Variants in SLC10A7 observed in about 807,000 individuals in gnomAD.
SLC10A7 encodes the protein solute carrier family 10 member 7.
Under a neutral mutation model 43.2 loss-of-function variants are expected in SLC10A7, and 29 were observed. That is an observed-to-expected ratio of 0.67 (90% CI 0.50 to 0.92). SLC10A7 has a LOEUF of 0.92. Ranked by LOEUF, SLC10A7 falls within the 40% of genes least tolerant of loss-of-function variation. The probability of loss-of-function intolerance (pLI) is 0.00; values close to 1 mark genes in which losing one functional copy is unlikely to be tolerated. For missense variants in SLC10A7, 295 were observed against 403.2 expected, an observed-to-expected ratio of 0.73 and a Z score of 2.30; for synonymous variants, 152 against 144.8, an observed-to-expected ratio of 1.05 and a Z score of -0.35.
chr4:146,478,332 C>G (rs2149980198), intron 4 of SLC10A7: 1 of 152,292 alleles, frequency 6.6e-6, no homozygotes, highest in Admixed American at 6.5e-5. Flanking sequence ...ACAGTATTAG[C>G]AGATTTCTTT....
intron 10 of SLC10A7, among the ~76,000 whole-genome samples, chr4:146,269,401 G>C (rs1728761629): frequency 6.6e-6 from 1 of 152,214 alleles, no homozygotes; most frequent in Non-Finnish European, 1.5e-5. Context: ...GGTCTTCCAG[G>C]AGGGGTCACC....
chr4:146,358,319 G>A (rs888129577), intron 5 of SLC10A7, among the ~76,000 whole-genome samples: 3 of 152,090 alleles, frequency 2.0e-5, no homozygotes, highest in Non-Finnish European at 4.4e-5. Context: ...TGATGTGGGA[G>A]GGAAAGAAAG....
chr4:146,281,088 C>G (rs537999215), intron 10 of SLC10A7, among the ~76,000 whole-genome samples: 1 of 152,232 alleles, frequency 6.6e-6, no homozygotes, highest in African/African-American at 2.4e-5. Flanking sequence ...TAACCCAACC[C>G]TTTTTAGCAA....
chr4:146,344,260 C>A (rs1358900733), intron 5 of SLC10A7, among the ~76,000 whole-genome samples: 1 of 151,998 alleles, frequency 6.6e-6, no homozygotes, highest in Non-Finnish European at 1.5e-5. Context: ...GTAACCAATG[C>A]AAAAATATCA....
chr4:146,350,157 G>T (rs1187124662), intron 5 of SLC10A7, among the ~76,000 whole-genome samples: 5 of 147,020 alleles, frequency 3.4e-5, no homozygotes, highest in African/African-American at 1.3e-4. Context: ...GACAGTGGGC[G>T]CAGGCCAGTG....
intron 4 of SLC10A7, among the ~76,000 whole-genome samples, chr4:146,483,454 A>C (rs1026621446): frequency 7.3e-5 from 10 of 137,076 alleles, no homozygotes; most frequent in Admixed American, 7.4e-5. Context: ...CACACACAAA[A>C]AAAAAACCCT....
intron 4 of SLC10A7, among the ~76,000 whole-genome samples, chr4:146,503,645 C>T (rs1310837920): frequency 2.0e-5 from 3 of 152,194 alleles, no homozygotes; most frequent in Admixed American, 2.0e-4. Flanking sequence ...ATTTCCCTTG[C>T]TCTTCTCTTT....
At chr4:146,276,433 T>C (rs1364831564) in intron 10 of SLC10A7, among the ~76,000 whole-genome samples, 1 of 152,228 alleles carries the variant, frequency 6.6e-6, no homozygotes, top group Non-Finnish European at 1.5e-5. Flanking sequence ...GTAAACTTTA[T>C]GTAACTAGCA....
intron 11 of SLC10A7, among the ~76,000 whole-genome samples, chr4:146,258,440 T>C (rs565216894): frequency 3.5e-4 from 53 of 152,300 alleles, no homozygotes; most frequent in African/African-American, 1.2e-3. Context: ...TCAATATGAA[T>C]GAATTCAAAA....
Position 146,398,456 on chromosome 4 carries a change from A to G in SLC10A7, c.435+44327T>C, listed in dbSNP as rs1738991337. Among the ~76,000 whole-genome samples the G allele has an allele frequency of 2.0e-5, 3 of 152,182 alleles. No homozygotes were observed. The South Asian group carries it at 6.2e-4, about 32-fold the overall frequency. On this transcript the variant is annotated intron_variant, in intron 5 of 11. Transcript: ENST00000335472. ...AGAGAAGAAAAATTAAGATCAAGAA[A>G]AGCAGAAACACCAAAGGAGAATCTA...
chr4:146,457,666 C>T (rs1732181179), intron 4 of SLC10A7, among the ~76,000 whole-genome samples: 1 of 151,978 alleles, frequency 6.6e-6, no homozygotes, highest in South Asian at 2.1e-4. Context: ...CAGGGACATC[C>T]TAAACTGCTT....
At chr4:146,263,838 G>T (rs1464140196) in intron 10 of SLC10A7, among the ~76,000 whole-genome samples, 9 of 152,164 alleles carry the variant, frequency 5.9e-5, no homozygotes, top group Admixed American at 5.9e-4. Context: ...TATTGTAAAT[G>T]GATTCTTTTT....
At chr4:146,362,424 A>G (rs1736109167) in intron 5 of SLC10A7, among the ~76,000 whole-genome samples, 1 of 152,132 alleles carries the variant, frequency 6.6e-6, no homozygotes, top group African/African-American at 2.4e-5. Flanking sequence ...AAAACGTTAC[A>G]GGCCAGGAGG....
At chr4:146,416,205 T>C (rs1728551433) in intron 5 of SLC10A7, among the ~76,000 whole-genome samples, 2 of 143,818 alleles carry the variant, frequency 1.4e-5, no homozygotes, top group Admixed American at 1.4e-4. Flanking sequence ...AGCAGTCACT[T>C]AGTGTGGAGG....
At chr4:146,328,703 G>A (rs1222833008) in intron 5 of SLC10A7, among the ~76,000 whole-genome samples, 1 of 152,078 alleles carries the variant, frequency 6.6e-6, no homozygotes, top group Non-Finnish European at 1.5e-5. Flanking sequence ...AACCACAACA[G>A]ACACCACTGA....
At chr4:146,305,338 C>T (rs1354635663) in intron 7 of SLC10A7, among the ~76,000 whole-genome samples, 1 of 150,294 alleles carries the variant, frequency 6.7e-6, no homozygotes, top group African/African-American at 2.5e-5. Context: ...AAAAACCAAA[C>T]ACCACATATT....
intron 5 of SLC10A7, among the ~76,000 whole-genome samples, chr4:146,359,052 C>T (rs760685565): frequency 1.3e-5 from 2 of 152,140 alleles, no homozygotes; most frequent in Non-Finnish European, 2.9e-5. Flanking sequence ...TAGTGACAAT[C>T]TTCTAAAAGT....
At chr4:146,269,257 A>G (rs189251172) in intron 10 of SLC10A7, among the ~76,000 whole-genome samples, 342 of 152,328 alleles carry the variant, frequency 2.2e-3, no homozygotes, top group African/African-American at 7.6e-3. Flanking sequence ...AACTCTACCA[A>G]TTGAAGGTTT....
chr4:146,316,140 C>T (rs193152359), intron 6 of SLC10A7, among the ~76,000 whole-genome samples: 7 of 151,990 alleles, frequency 4.6e-5, no homozygotes, highest in Admixed American at 2.0e-4. Context: ...CTGGACAAGG[C>T]GTTAATTTAT....
Sources: gnomAD v4.1 joint callset for allele counts (sites outside exome capture counted in the v4.1 genomes callset) on GRCh38, gnomAD v4.1.1 for gene constraint, MANE v1.5 for transcripts, NCBI Gene and HGNC (gene_info 2026-07-23, HGNC 2026-07-21) for gene names.